KIAA1217: variants seen among roughly 807,000 people sequenced by gnomAD.
KIAA1217 encodes KIAA1217.
A neutral mutation model predicts 163.9 loss-of-function variants in KIAA1217; 88 were observed. That is an observed-to-expected ratio of 0.54 (90% confidence interval 0.45 to 0.64). The LOEUF (loss-of-function observed/expected upper bound fraction) is 0.64. KIAA1217 is among the 30% of genes least tolerant of loss of function. KIAA1217 has a pLI of 0.00. For missense variants in KIAA1217, 2,372 were observed against 2,475.0 expected (o/e 0.96, Z 0.88); for synonymous variants, 903 against 923.1 (o/e 0.98, Z 0.39).
At chr10:23,908,280 G>GT (rs111910425) in intron 1 of KIAA1217, among the ~76,000 whole-genome samples, 10,496 of 151,726 alleles carry the variant, frequency 0.069, 1,199 homozygotes, top group African/African-American at 0.24. Context: ...TGGATGTATT[G>GT]TTTTTTTTCA....
intron 1 of KIAA1217, among the ~76,000 whole-genome samples, chr10:23,841,479 G>A (rs1838779845): frequency 6.6e-6 from 1 of 152,078 alleles, no homozygotes; most frequent in African/African-American, 2.4e-5. Context: ...AGACATTTAT[G>A]CAAAAGACAT....
chr10:23,969,698 T>C (rs1845223589), intron 1 of KIAA1217, among the ~76,000 whole-genome samples: 1 of 152,236 alleles, frequency 6.6e-6, no homozygotes, highest in South Asian at 2.1e-4. Flanking sequence ...ATCAAATATA[T>C]GGTTTTCAGA....
At chr10:23,731,984 C>T (rs1838505045) in intron 1 of KIAA1217, among the ~76,000 whole-genome samples, 4 of 151,946 alleles carry the variant, frequency 2.6e-5, no homozygotes, top group Admixed American at 2.6e-4. Flanking sequence ...TCTTGTTATA[C>T]ATTGTTGGAT....
chr10:24,196,172 C>T lies in KIAA1217; in HGVS notation c.-170-23454C>T, dbSNP rs10828618. Among the ~76,000 whole-genome samples, 276 of 146,636 alleles carry T rather than the reference C, an allele frequency of 1.9e-3. 2 individuals carry two copies. Among genetic ancestry groups the T allele is most frequent in the African/African-American group, 6.5e-3 (259 of 40,012 alleles). ...ACACACACACACACACACACACACA[C>T]TGCCCTCACAAGTTGGAGCATACTT... On this transcript the variant is annotated intron_variant, in intron 2 of 18. Coordinates refer to the KIAA1217 transcript ENST00000376462.
At position 24,225,632 on chromosome 10, in the gene KIAA1217, C is replaced by A. The variant is rs185864550; in HGVS notation, c.354+5723C>A. ...GAAGAATGCAAACCATTGGACTTAA[C>A]CCTGTCTTCAATTCAGTAAAAGAAA... On this transcript the variant is annotated intron_variant, in intron 2 of 20. Coordinates refer to ENST00000376454, the MANE Select transcript of KIAA1217 (RefSeq NM_019590.5). 7.9e-3 allele frequency among the ~76,000 whole-genome samples: 1,206 copies of A among 152,304 alleles called. 54 individuals are homozygous for A. Among genetic ancestry groups the A allele is most frequent in the Admixed American group, 0.074 (1,136 of 15,286 alleles).
chr10:24,386,676 C>A (rs2054054818), intron 3 of KIAA1217, among the ~76,000 whole-genome samples: 1 of 152,198 alleles, frequency 6.6e-6, no homozygotes, highest in Non-Finnish European at 1.5e-5. Flanking sequence ...CTGACTCAAG[C>A]AATCCTCCCA....
chr10:24,062,307 A>C (rs2060757425), intron 2 of KIAA1217, among the ~76,000 whole-genome samples: 3 of 84,084 alleles, frequency 3.6e-5, no homozygotes, highest in South Asian at 5.1e-4. Flanking sequence ...CCCCACAACC[A>C]TCCCCAGTGT....
rs562998632 is a variant in KIAA1217, at chr10:24,372,705, G to A, written c.355-8164G>A. ...ATCCCACCATCAAAAGAAAACTAAT[G>A]CTCGCATTTGGCTCTATTGTGTCCA... is the stretch of plus-strand genomic sequence containing the variant. On this transcript the variant is annotated intron_variant, in intron 2 of 20. Transcript: ENST00000376454. 2.6e-5 allele frequency among the ~76,000 whole-genome samples: 4 copies of A among 152,158 alleles called. 1 individual carries two copies. In the South Asian group the frequency reaches 8.3e-4, roughly 32 times the overall value.
chr10:24,384,130 C>T (rs969780630), intron 3 of KIAA1217, among the ~76,000 whole-genome samples: 1 of 152,156 alleles, frequency 6.6e-6, no homozygotes, highest in Non-Finnish European at 1.5e-5. Flanking sequence ...AGCTGTAACC[C>T]CCCTGGAAAC....
At chr10:24,063,656 G>GT (rs1302059712) in intron 2 of KIAA1217, among the ~76,000 whole-genome samples, 1 of 152,076 alleles carries the variant, frequency 6.6e-6, no homozygotes, top group Non-Finnish European at 1.5e-5. Context: ...CTTTAAAGTA[G>GT]TTTTTTTCCA....
intron 1 of KIAA1217, among the ~76,000 whole-genome samples, chr10:23,986,539 G>T (rs1014881259): frequency 1.4e-5 from 2 of 146,386 alleles, no homozygotes; most frequent in Non-Finnish European, 3.1e-5. Flanking sequence ...ACACTGTATT[G>T]GTTTAGTTGT....
intron 1 of KIAA1217, among the ~76,000 whole-genome samples, chr10:23,810,208 A>G (rs912098709): frequency 1.3e-5 from 2 of 151,092 alleles, no homozygotes; most frequent in Non-Finnish European, 3.0e-5. Context: ...TTATCCATCC[A>G]TTCATCTATC....
chr10:24,265,323 T>C (rs1564369521), intron 2 of KIAA1217, among the ~76,000 whole-genome samples: 1 of 152,216 alleles, frequency 6.6e-6, no homozygotes, highest in Admixed American at 6.5e-5. Context: ...GTCTTCATAA[T>C]GCCACCATGT....
At chr10:24,487,865 T>C (rs1448286690) in intron 6 of KIAA1217, among the ~76,000 whole-genome samples, 1 of 152,172 alleles carries the variant, frequency 6.6e-6, no homozygotes, top group African/African-American at 2.4e-5. Flanking sequence ...TTCTTCTCAT[T>C]TATTACCCTC....
At chr10:24,061,516 G>A (rs1368829968) in intron 2 of KIAA1217, among the ~76,000 whole-genome samples, 1 of 152,066 alleles carries the variant, frequency 6.6e-6, no homozygotes, top group East Asian at 1.9e-4. Flanking sequence ...ATGTGTTACT[G>A]TTTAGTGTCC....
intron 2 of KIAA1217, among the ~76,000 whole-genome samples, chr10:24,082,913 T>G (rs946961244): frequency 3.3e-5 from 5 of 152,198 alleles, no homozygotes; most frequent in Non-Finnish European, 7.3e-5. Flanking sequence ...AACTGTTGTT[T>G]CTTGACTTTT....
At chr10:24,405,009 G>T (rs1000772023) in intron 3 of KIAA1217, among the ~76,000 whole-genome samples, 1 of 152,146 alleles carries the variant, frequency 6.6e-6, no homozygotes, top group African/African-American at 2.4e-5. Context: ...AATACAGAGG[G>T]GTAGCACTTG....
chr10:24,209,137 T>C, upstream of KIAA1217: 2 of 1,560,690 alleles, frequency 1.3e-6, no homozygotes, highest in East Asian at 2.2e-5. Flanking sequence ...TGGGAGCTTT[T>C]AGAACTGCGC....
In KIAA1217 at chr10:23,821,421, A is replaced by T. The variant is rs143846085; in HGVS notation, c.-321+126187A>T. Among the ~76,000 whole-genome samples, 602 of 152,272 alleles carry T rather than the reference A, an allele frequency of 4.0e-3. 8 individuals carry two copies. In the South Asian group the frequency reaches 0.051, roughly 13 times the overall value. ...TAGACTGGCCAACTCAAAAGAATGC[A>T]TGCAAACCACAAATCAGAGTGAGCA... On this transcript the variant is annotated intron_variant, in intron 1 of 18. Coordinates refer to the KIAA1217 transcript ENST00000376462.
Sources: allele counts gnomAD v4.1 joint callset (sites outside exome capture counted in the v4.1 genomes callset), GRCh38; gene constraint gnomAD v4.1.1; transcripts MANE v1.5; gene names NCBI Gene and HGNC (gene_info 2026-07-23, HGNC 2026-07-21).